Variants in HTRA3 observed in about 807,000 individuals in gnomAD.
The protein encoded by HTRA3 is serine protease HTRA3.
In HTRA3, 41 loss-of-function variants were observed where a neutral mutation model predicts 43.2. The observed-to-expected ratio is 0.95, with a 90% confidence interval of 0.74 to 1.23. The LOEUF (loss-of-function observed/expected upper bound fraction) is 1.23, where lower values mean the gene tolerates loss of function less well. HTRA3 is among the 50% of genes most tolerant of loss of function. The probability of loss-of-function intolerance (pLI) is 0.00; values close to 1 mark genes in which losing one functional copy is unlikely to be tolerated. For synonymous variants in HTRA3, 295 were observed against 287.9 expected, an observed-to-expected ratio of 1.02 and a Z score of -0.25; for missense variants, 628 against 647.1, an observed-to-expected ratio of 0.97 and a Z score of 0.32.
At chr4:8,298,872 A>C (rs996952359) in intron 6 of HTRA3, among the ~76,000 whole-genome samples, 1 of 152,176 alleles carries the variant, frequency 6.6e-6, no homozygotes, top group African/African-American at 2.4e-5. Context: ...TGGCCCGATT[A>C]CTGTGGCCTC....
In HTRA3 at chr4:8,270,226, G is replaced by T; in HGVS notation, c.258G>T (p.Ser86=). 1 of 1,534,570 alleles carries T rather than the reference G, an allele frequency of 6.5e-7. No homozygotes were observed. The highest frequency in any genetic ancestry group is 8.7e-7 in the Non-Finnish European group (1 of 1,151,762). The change falls in exon 1 of 9, where the codon TCG becomes TCT. Residue 86 remains serine, a synonymous_variant. Coordinates refer to ENST00000307358, the MANE Select transcript of HTRA3 (RefSeq NM_053044.5). ...GCGGCCTATGCCGCTGCCGCTGGTC[G>T]CACGCCGTGTGTGGCACCGACGGGC... ...CVRGLCRCRW[S]HAVCGTDGHT...
rs759575119 is a variant in HTRA3, at chr4:8,286,752, C to T, written c.677C>T (p.Ser226Leu). The T allele has an allele frequency of 3.1e-6, 5 of 1,614,012 alleles. No individual in the cohort carries two copies. Among genetic ancestry groups the T allele is most frequent in the East Asian group, 4.5e-5 (2 of 44,860 alleles). ...ACCATCAAAGACATCGACAAGAAGT[C>T]GGACATTGCCACCATCAAGATCCAT... Reference protein sequence around the residue: ...EATIKDIDKKSDIATIKIHPK... With the variant: ...EATIKDIDKKLDIATIKIHPK... Residue 226 changes from serine (S) to leucine (L), a missense_variant, in exon 3 of 9, where the codon TCG (serine) becomes TTG (leucine). Coordinates refer to ENST00000307358, the MANE Select transcript of HTRA3 (RefSeq NM_053044.5). This position sits in a 1 kb window ranked among gnomAD's most constrained non-coding sequence, Gnocchi z 4.9.
At chr4:8,283,772 C>T (rs545829903) in intron 2 of HTRA3, among the ~76,000 whole-genome samples, 4 of 152,338 alleles carry the variant, frequency 2.6e-5, no homozygotes, top group South Asian at 2.1e-4. Context: ...CTTGTTTTCA[C>T]GGTACTTTCC....
In HTRA3 at chr4:8,295,744, C is replaced by A. The variant is rs1713430625; in HGVS notation, c.1051+1543C>A. ...AGCAGGGGGCTTCCTCACGTTTCCC[C>A]CTCCTCCATGACCCCGTCAGCCAAG... On this transcript the variant is annotated intron_variant, in intron 6 of 8. Coordinates refer to ENST00000307358, the MANE Select transcript of HTRA3 (RefSeq NM_053044.5). The surrounding 1 kb of genome is among the most constrained non-coding windows in gnomAD (Gnocchi z 6.9). 2.3e-6 allele frequency: 3 copies of A among 1,330,246 alleles called. No homozygotes were observed. The African/African-American group carries it at 4.5e-5, about 20-fold the overall frequency. The allele number at this position is 1,330,246 out of a possible 1,614,324, so 82.4% of individuals were successfully genotyped here.
intron 1 of HTRA3, among the ~76,000 whole-genome samples, chr4:8,270,592 C>G (rs1245229954): frequency 6.6e-6 from 1 of 152,158 alleles, no homozygotes; most frequent in Non-Finnish European, 1.5e-5. Context: ...CTCCTGGCCA[C>G]CCGAGGGGCC....
chr4:8,289,021 C>T (rs961355848), intron 3 of HTRA3, among the ~76,000 whole-genome samples: 5 of 151,218 alleles, frequency 3.3e-5, no homozygotes, highest in Non-Finnish European at 5.9e-5. Flanking sequence ...ACAATCACAG[C>T]TCACTGCAGC....
intron 1 of HTRA3, among the ~76,000 whole-genome samples, chr4:8,278,280 C>A (rs1018500475): frequency 6.6e-6 from 1 of 151,984 alleles, no homozygotes; most frequent in Non-Finnish European, 1.5e-5. Flanking sequence ...GCGCCCCTTC[C>A]TCTCCTGGGA....
chr4:8,298,487 GAGC>G (rs1713532064), intron 6 of HTRA3, among the ~76,000 whole-genome samples: 1 of 151,274 alleles, frequency 6.6e-6, no homozygotes, highest in African/African-American at 2.4e-5. Flanking sequence ...TGTTTTTAAA[GAGC>G]AGAAGTTTTG....
At chr4:8,283,703 G>A (rs1712846818) in intron 2 of HTRA3, among the ~76,000 whole-genome samples, 1 of 152,216 alleles carries the variant, frequency 6.6e-6, no homozygotes, top group Non-Finnish European at 1.5e-5. Flanking sequence ...GGTCCAGGCG[G>A]ACACGGAGCC....
intron 1 of HTRA3, among the ~76,000 whole-genome samples, chr4:8,270,671 G>C (rs59766793): frequency 1.7e-3 from 252 of 152,202 alleles, no homozygotes; most frequent in African/African-American, 5.7e-3. Context: ...CTTGATCCTT[G>C]GACCCCTGCT....
chr4:8,288,170 T>G (rs1044353667), intron 3 of HTRA3, among the ~76,000 whole-genome samples: 1 of 152,356 alleles, frequency 6.6e-6, no homozygotes, highest in African/African-American at 2.4e-5. Context: ...CCTTCCCTGC[T>G]TTTCAGACTT....
At position 8,284,468 on chromosome 4, in the gene HTRA3, G is replaced by T. The variant is rs527762421; in HGVS notation, c.485+1932G>T. Among the ~76,000 whole-genome samples, 4 of 152,326 alleles carry T rather than the reference G, an allele frequency of 2.6e-5. No homozygotes were observed. The East Asian group carries it at 7.7e-4, about 29-fold the overall frequency. On this transcript the variant is annotated intron_variant, in intron 2 of 8. Coordinates refer to ENST00000307358, the MANE Select transcript of HTRA3 (RefSeq NM_053044.5). ...GAGTGGGTGGGTGAGACCCAGCAAA[G>T]ATGAGACAGATGCTTTTCCAGCACA... is the stretch of plus-strand genomic sequence containing the variant.
At chr4:8,288,251 C>T (rs1327459944) in intron 3 of HTRA3, among the ~76,000 whole-genome samples, 1 of 152,180 alleles carries the variant, frequency 6.6e-6, no homozygotes, top group African/African-American at 2.4e-5. Context: ...GAGGGGTGTG[C>T]TCACGGACAG....
chr4:8,270,159 G>A lies in HTRA3; in HGVS notation c.191G>A (p.Gly64Asp). 2 of 1,536,692 alleles carry A rather than the reference G, an allele frequency of 1.3e-6. No individual in the cohort carries two copies. Among genetic ancestry groups the A allele is most frequent in the African/African-American group, 1.4e-5 (1 of 69,872 alleles). The change falls in exon 1 of 9, where the codon GGC becomes GAC. Residue 64 changes from glycine to aspartate, a missense_variant. Physicochemically the swap from Gly to Asp is moderately conservative, Grantham distance 94. Coordinates refer to ENST00000307358, the MANE Select transcript of HTRA3 (RefSeq NM_053044.5). ...GCCAGCGAGGGCGAGCCCTGTGGCG[G>A]CCCTCTGGACTCGCCTTGCGGCGAG... ...CAASEGEPCG[G>D]PLDSPCGESL... is the part of the protein sequence containing the mutation.
At chr4:8,292,140 G>T (rs529396549) in intron 4 of HTRA3, among the ~76,000 whole-genome samples, 181 bp from the exon 5 acceptor site, 1 of 152,338 alleles carries the variant, frequency 6.6e-6, no homozygotes, top group East Asian at 1.9e-4. Context: ...TCGGTCATCA[G>T]GCAGCCATCC....
chr4:8,303,201 C>G (rs1007163760), intron 7 of HTRA3, among the ~76,000 whole-genome samples: 1 of 152,222 alleles, frequency 6.6e-6, no homozygotes, highest in East Asian at 1.9e-4. Flanking sequence ...AAGGTGCCTC[C>G]TCATAGCACA....
At chr4:8,271,168 G>A (rs1712255835) in intron 1 of HTRA3, among the ~76,000 whole-genome samples, 2 of 152,096 alleles carry the variant, frequency 1.3e-5, no homozygotes, top group Admixed American at 6.5e-5. Flanking sequence ...GGAGCCTCAG[G>A]AGCACCATGG....
chr4:8,273,569 C>A (rs940116208), intron 1 of HTRA3, among the ~76,000 whole-genome samples: 1 of 150,314 alleles, frequency 6.7e-6, no homozygotes, highest in African/African-American at 2.4e-5. Context: ...ATGAAGTCCT[C>A]CCCAGGTGCT....
chr4:8,281,898 C>T (rs1440311759), intron 1 of HTRA3, among the ~76,000 whole-genome samples: 1 of 152,190 alleles, frequency 6.6e-6, no homozygotes, highest in African/African-American at 2.4e-5. Context: ...CCCAGAGGGG[C>T]CACACTGTGT....
Sources: allele counts gnomAD v4.1 joint callset (sites outside exome capture counted in the v4.1 genomes callset), GRCh38; gene constraint gnomAD v4.1.1; non-coding constraint Gnocchi (gnomAD v3.1); transcripts MANE v1.5; gene names NCBI Gene and HGNC (gene_info 2026-07-23, HGNC 2026-07-21).